Variants in SLC26A11 observed in about 807,000 individuals in gnomAD.
The protein encoded by SLC26A11 is solute carrier family 26 member 11, also known as sodium-independent sulfate anion transporter.
SLC26A11 carries 58 observed loss-of-function variants against 62.2 expected under a neutral mutation model. The observed-to-expected ratio is 0.93, with a 90% CI of 0.76 to 1.16. The LOEUF (loss-of-function observed/expected upper bound fraction) is 1.16. Among genes scored for constraint, SLC26A11 ranks in the 50% most tolerant of loss-of-function variants. The pLI is 0.00. For missense variants in SLC26A11, 790 were observed against 794.3 expected, an observed-to-expected ratio of 0.99 and a Z score of 0.06; for synonymous variants, 411 against 368.9, an observed-to-expected ratio of 1.11 and a Z score of -1.31.
At chr17:80,249,957 T>TAGAAAAC (rs2043115520) in intron 16 of SLC26A11, among the ~76,000 whole-genome samples, 1 of 151,964 alleles carries the variant, frequency 6.6e-6, no homozygotes, top group Non-Finnish European at 1.5e-5. Flanking sequence ...ATGAAAAACG[T>TAGAAAAC]ATTGTCAGGG....
rs1057118586 is a variant in SLC26A11 at position 80,223,903 on chromosome 17, C to G, written c.513+566C>G. On this transcript the variant is annotated intron_variant, in intron 5 of 17. Coordinates refer to ENST00000361193, the MANE Select transcript of SLC26A11 (RefSeq NM_001166347.2). This position sits in a 1 kb window ranked among gnomAD's most constrained non-coding sequence, Gnocchi z 4.6. ...TCTGTTTTTGCTGGGTTGTAAGTTC[C>G]TCGAGGGTAGGAACTGTCCTTCTCC... Among the ~76,000 whole-genome samples, 1 of 152,166 alleles carries G rather than the reference C, an allele frequency of 6.6e-6. No individual in the cohort carries two copies. The highest frequency in any genetic ancestry group is 1.5e-5 in the Non-Finnish European group (1 of 68,042).
At chr17:80,224,445 G>GTGCA (rs1555626283) in intron 5 of SLC26A11, among the ~76,000 whole-genome samples, 3 of 120,944 alleles carry the variant, frequency 2.5e-5, no homozygotes, top group South Asian at 2.4e-4. Flanking sequence ...GGGTGTGAGA[G>GTGCA]TGTGAGTGTG....
Position 80,245,196 on chromosome 17 carries a change from G to A in SLC26A11, c.1037G>A (p.Gly346Asp). 3.1e-6 allele frequency: 5 copies of A among 1,613,658 alleles called. No individual in the cohort carries two copies. The highest frequency in any genetic ancestry group is 3.4e-6 in the Non-Finnish European group (4 of 1,179,948). ...IDANQELLAI[G>D]LTNMLGSLVS... ...TCAGCCTGTCTTGCCTCCTCCCCAG[G>A]TCTCACCAACATGTTGGGCTCCCTC... is the stretch of plus-strand genomic sequence containing the variant. The change falls in exon 11 of 18, where the codon GGT becomes GAT. Residue 346 changes from glycine (G) to aspartate (D), a missense_variant and splice_region_variant. Transcript: ENST00000361193.
rs1424677298 is a variant in SLC26A11, at chr17:80,246,405, C to T, written c.1154-104C>T. 7 of 1,521,606 alleles carry T rather than the reference C, an allele frequency of 4.6e-6. No homozygotes were observed. Among genetic ancestry groups the T allele is most frequent in the Non-Finnish European group, 6.2e-6 (7 of 1,128,518 alleles). 94.3% of individuals were successfully genotyped at this position (1,521,606 alleles called of 1,614,324 possible). A position where few individuals can be genotyped will look rare whatever the true frequency, so the allele number is the denominator to read the frequency against. On this transcript the variant is annotated intron_variant, in intron 12 of 17. Transcript: ENST00000361193. This position sits in a 1 kb window ranked among gnomAD's most constrained non-coding sequence, Gnocchi z 4.4. ...GGGGCCTTGGCAGTCGTCGCCCTACCCCCACCCCTGTCCCCAGTGGGCTCT... is the reference window on the plus strand; with the variant it reads ...GGGGCCTTGGCAGTCGTCGCCCTACTCCCACCCCTGTCCCCAGTGGGCTCT...
rs866220843 is a variant in SLC26A11, at chr17:80,221,758, G to A, written c.198G>A (p.Ala66=). ...TTGGCCTCACTGCCATTCCCCAGGC[G>A]CTGGCCTATGCTGAAGTGGCTGGAC... ...LSVGLTAIPQ[A]LAYAEVAGLP... The change falls in exon 3 of 18, where the codon GCG becomes GCA. Residue 66 remains alanine, a synonymous_variant. Transcript: ENST00000361193. The A allele has an allele frequency of 8.7e-6, 14 of 1,612,746 alleles. No individual in the cohort carries two copies. In the Middle Eastern group the frequency reaches 6.6e-4, roughly 76 times the overall value.
rs2042716964 is a variant in SLC26A11, at chr17:80,237,117, G to T, written c.912+14G>T. On this transcript the variant is annotated intron_variant, in intron 8 of 17. Transcript: ENST00000361193. Reference sequence around the variant, plus strand: ...GAGATGGTGCAGGTGGGCGGAGCCGGGAGGCAGGATGGCGTGGCTGAGGCT... The same window carrying T: ...GAGATGGTGCAGGTGGGCGGAGCCGTGAGGCAGGATGGCGTGGCTGAGGCT... The T allele has an allele frequency of 6.2e-7, 1 of 1,603,170 alleles. No homozygotes were observed.
intron 7 of SLC26A11, among the ~76,000 whole-genome samples, chr17:80,236,181 C>T (rs558521918): frequency 6.6e-6 from 1 of 152,190 alleles, no homozygotes; most frequent in Non-Finnish European, 1.5e-5. Flanking sequence ...CCTTGTAACC[C>T]TCTTTGTGAC....
intron 13 of SLC26A11, among the ~76,000 whole-genome samples, chr17:80,247,895 G>A (rs2043050542): frequency 6.6e-6 from 1 of 152,210 alleles, no homozygotes; most frequent in Non-Finnish European, 1.5e-5. Context: ...TGGAGGCCAG[G>A]GACCGGCCGG....
Position 80,246,640 on chromosome 17 carries a change from C to T in SLC26A11, c.1285C>T (p.Arg429Cys), listed in dbSNP as rs370455417. Residue 429 changes from arginine (R) to cysteine (C), a missense_variant, in exon 13 of 18, where the codon CGT becomes TGT. By Grantham distance (180) the Arg-to-Cys change is radical (BLOSUM62 -3). Coordinates refer to ENST00000361193, the MANE Select transcript of SLC26A11 (RefSeq NM_001166347.2). The surrounding 1 kb of genome is among the most constrained non-coding windows in gnomAD (Gnocchi z 4.4). ...FDTKIFRTLW[R>C]VKRLDLLPLC... ...CACCAAGATCTTCAGGACGCTCTGG[C>T]GTGTTAAGAGTACGTCCTTGTCCTA... is the stretch of plus-strand genomic sequence containing the variant. The T allele has an allele frequency of 9.3e-6, 15 of 1,613,468 alleles. No homozygotes were observed. Among genetic ancestry groups the T allele is most frequent in the African/African-American group, 2.7e-5 (2 of 74,938 alleles).
In SLC26A11 at chr17:80,246,802, G is replaced by A. The variant is rs1240125889; in HGVS notation, c.1294+153G>A. 6.6e-6 allele frequency among the ~76,000 whole-genome samples: 1 copy of A among 152,228 alleles called. No individual in the cohort carries two copies. The highest frequency in any genetic ancestry group is 1.5e-5 in the Non-Finnish European group (1 of 68,036). ...GGAACAGAGAAGTGGATGGCCAGGA[G>A]ATGGCCCCAGAGATGGTCCCGAGGC... On this transcript the variant is annotated intron_variant, in intron 13 of 17. Coordinates refer to ENST00000361193, the MANE Select transcript of SLC26A11 (RefSeq NM_001166347.2). The surrounding 1 kb of genome is among the most constrained non-coding windows in gnomAD (Gnocchi z 4.4).
In SLC26A11 at chr17:80,245,244, G is replaced by C; in HGVS notation, c.1085G>C (p.Gly362Ala). 1 of 1,613,912 alleles carries C rather than the reference G, an allele frequency of 6.2e-7. No homozygotes were observed. Among genetic ancestry groups the C allele is most frequent in the Non-Finnish European group, 8.5e-7 (1 of 1,179,986 alleles). ...CTCGTCTCCTCCTACCCGGTCACAG[G>C]CAGCTTTGGACGGTGAGTGACCTGT... is the stretch of plus-strand genomic sequence containing the variant. ...GSLVSSYPVT[G>A]SFGRTAVNAQ... The change falls in exon 11 of 18, where the codon GGC (glycine) becomes GCC (alanine). Residue 362 changes from glycine (G) to alanine (A), a missense_variant. By Grantham distance (60) the Gly-to-Ala change is moderately conservative. Transcript: ENST00000361193.
chr17:80,248,719 C>G, intron 15 of SLC26A11, 45 bp downstream of exon 15: 1 of 1,518,434 alleles, frequency 6.6e-7, no homozygotes, highest in Non-Finnish European at 8.9e-7. Flanking sequence ...CTCCCCTGTC[C>G]TCTGCCCCCC....
intron 7 of SLC26A11, among the ~76,000 whole-genome samples, chr17:80,233,017 G>A (rs1357707767): frequency 6.6e-6 from 1 of 152,114 alleles, no homozygotes; most frequent in Non-Finnish European, 1.5e-5. Context: ...GGAGGCTGAG[G>A]GAGGCAGATT....
intron 5 of SLC26A11, among the ~76,000 whole-genome samples, chr17:80,225,283 C>A (rs2144881085): frequency 6.6e-6 from 1 of 152,352 alleles, no homozygotes; most frequent in South Asian, 2.1e-4. Context: ...GAGGCTCCTA[C>A]TTTGCCGAGG....
chr17:80,230,395 T>A (rs1489392044), intron 7 of SLC26A11, among the ~76,000 whole-genome samples: 2 of 152,048 alleles, frequency 1.3e-5, no homozygotes, highest in African/African-American at 2.4e-5. Flanking sequence ...TAGGGCCATG[T>A]CAGAGGACAC....
At position 80,246,239 on chromosome 17, in the gene SLC26A11, G is replaced by T. The variant is rs762150947; in HGVS notation, c.1153+30G>T. On this transcript the variant is annotated intron_variant, in intron 12 of 17. Transcript: ENST00000361193. This position sits in a 1 kb window ranked among gnomAD's most constrained non-coding sequence, Gnocchi z 4.4. ...GGCCCCCCATCTTCCCCTTGTGCCC[G>T]CAGCCCTGAGAGTGGGAGAAAGGGA... The T allele has an allele frequency of 6.9e-6, 11 of 1,597,870 alleles. No homozygotes were observed. The East Asian group carries it at 2.0e-4, about 29-fold the overall frequency.
chr17:80,224,940 A>C, intron 5 of SLC26A11, among the ~76,000 whole-genome samples: 3 of 150,760 alleles, frequency 2.0e-5, no homozygotes, highest in East Asian at 2.0e-4. Flanking sequence ...TCCTAACCCC[A>C]CCCACCCTGT....
rs1257921777 is a variant in SLC26A11 at position 80,245,189 on chromosome 17, T to A, written c.1037-7T>A. ...TCCACGATCAGCCTGTCTTGCCTCCTCCCCAGGTCTCACCAACATGTTGGG... is the reference window on the plus strand; with the variant it reads ...TCCACGATCAGCCTGTCTTGCCTCCACCCCAGGTCTCACCAACATGTTGGG... On this transcript the variant is annotated splice_polypyrimidine_tract_variant and splice_region_variant and intron_variant, in intron 10 of 17. Coordinates refer to ENST00000361193, the MANE Select transcript of SLC26A11 (RefSeq NM_001166347.2). The A allele has an allele frequency of 6.2e-7, 1 of 1,613,796 alleles. No individual in the cohort carries two copies. The highest frequency in any genetic ancestry group is 1.7e-5 in the Admixed American group (1 of 59,972).
At chr17:80,221,492 C>A (rs377014368) in intron 2 of SLC26A11, 56 bp from the exon 3 acceptor site, 1 of 1,307,866 alleles carries the variant, frequency 7.6e-7, no homozygotes, top group Non-Finnish European at 1.0e-6. Flanking sequence ...CCAGTGTTGC[C>A]GGGTTCTTCA....
Sources: gnomAD v4.1 joint callset for allele counts (sites outside exome capture counted in the v4.1 genomes callset) on GRCh38, gnomAD v4.1.1 for gene constraint, Gnocchi (gnomAD v3.1) non-coding constraint, MANE v1.5 for transcripts, NCBI Gene and HGNC (gene_info 2026-07-23, HGNC 2026-07-21) for gene names.